DNAH6: variants seen among roughly 807,000 people sequenced by gnomAD.
DNAH6 encodes the protein dynein axonemal heavy chain 6.
DNAH6 carries 340 observed loss-of-function variants against 491.4 expected under a neutral mutation model. That is an observed-to-expected ratio of 0.69 (90% confidence interval 0.63 to 0.76). The LOEUF (loss-of-function observed/expected upper bound fraction) is 0.76. Ranked by LOEUF, DNAH6 falls within the 30% of genes least tolerant of loss-of-function variation. The pLI, the probability that DNAH6 is intolerant of heterozygous loss-of-function variation, is 0.00. For missense variants in DNAH6, 4,443 were observed against 4,972.2 expected, an observed-to-expected ratio of 0.89 and a Z score of 3.20; for synonymous variants, 1,603 against 1,686.1, an observed-to-expected ratio of 0.95 and a Z score of 1.21.
chr2:84,755,006 G>GTTA (rs1673859314), intron 63 of DNAH6, among the ~76,000 whole-genome samples: 1 of 152,124 alleles, frequency 6.6e-6, no homozygotes, highest in South Asian at 2.1e-4. Context: ...TACTTCTTTT[G>GTTA]TTAAACTTAT....
At chr2:84,634,215 ATCTG>A (rs1688657656) in intron 29 of DNAH6, among the ~76,000 whole-genome samples, 1 of 152,188 alleles carries the variant, frequency 6.6e-6, no homozygotes, top group Non-Finnish European at 1.5e-5. Context: ...CTATTTGAGA[ATCTG>A]TCAAGTATTT....
chr2:84,747,087 G>T (rs558751906), intron 63 of DNAH6, among the ~76,000 whole-genome samples: 1 of 152,192 alleles, frequency 6.6e-6, no homozygotes, highest in African/African-American at 2.4e-5. Context: ...CATGAGATTT[G>T]GAGGGGACAA....
intron 61 of DNAH6, among the ~76,000 whole-genome samples, chr2:84,728,791 T>A (rs540199644): frequency 3.3e-4 from 50 of 152,042 alleles, no homozygotes; most frequent in African/African-American, 1.2e-3. Context: ...CTTGCTCTAG[T>A]CCCTTAAACT....
intron 63 of DNAH6, among the ~76,000 whole-genome samples, chr2:84,762,552 T>G (rs1001230223): frequency 6.6e-6 from 1 of 152,096 alleles, no homozygotes; most frequent in Non-Finnish European, 1.5e-5. Context: ...ATCCTGCTTG[T>G]GAGTCATGAG....
intron 16 of DNAH6, among the ~76,000 whole-genome samples, chr2:84,590,601 A>G (rs1303838777): frequency 6.6e-6 from 1 of 151,062 alleles, no homozygotes; most frequent in East Asian, 2.0e-4. Context: ...ATGAAGCCCC[A>G]GCCCCTCCTT....
chr2:84,461,170 A>G, the DNAH6 span, among the ~76,000 whole-genome samples: 1 of 152,354 alleles, frequency 6.6e-6, no homozygotes, highest in African/African-American at 2.4e-5. Context: ...GACCTTAGTT[A>G]TAGATTAAAA....
At chr2:84,688,701 A>G (rs1230740798) in intron 45 of DNAH6, 108 bp downstream of exon 45, 4 of 864,326 alleles carry the variant, frequency 4.6e-6, no homozygotes, top group Admixed American at 7.7e-5. Context: ...AGATGGTCAG[A>G]GGTCTTTTAT....
upstream of DNAH6, among the ~76,000 whole-genome samples, chr2:84,513,891 A>G (rs1358544505): frequency 1.3e-5 from 2 of 152,170 alleles, no homozygotes; most frequent in Non-Finnish European, 2.9e-5. Flanking sequence ...ACCTGGATCT[A>G]CAGGTAGAAA....
At chr2:84,571,253 G>A (rs1222623849) in intron 11 of DNAH6, among the ~76,000 whole-genome samples, 1 of 152,146 alleles carries the variant, frequency 6.6e-6, no homozygotes, top group Non-Finnish European at 1.5e-5. Flanking sequence ...CAATCACCAA[G>A]AATCTCTGAT....
intron 53 of DNAH6, 85 bp downstream of exon 53, chr2:84,707,104 T>C: frequency 7.2e-7 from 1 of 1,386,054 alleles, no homozygotes; most frequent in South Asian, 1.6e-5. Context: ...AGGTTTCAGC[T>C]TTTATCCAAT....
intron 64 of DNAH6, among the ~76,000 whole-genome samples, chr2:84,764,843 A>C (rs953791070): frequency 6.6e-6 from 1 of 152,074 alleles, no homozygotes; most frequent in African/African-American, 2.4e-5. Context: ...GTACCTACCT[A>C]AGTTGATTCC....
intron 65 of DNAH6, among the ~76,000 whole-genome samples, chr2:84,782,795 G>A (rs1268566043): frequency 6.6e-6 from 1 of 152,126 alleles, no homozygotes; most frequent in Non-Finnish European, 1.5e-5. Context: ...CCAGTGATTA[G>A]GAATATAATT....
intron 11 of DNAH6, among the ~76,000 whole-genome samples, chr2:84,573,168 CA>C (rs1682064704): frequency 1.3e-5 from 2 of 152,192 alleles, no homozygotes; most frequent in Non-Finnish European, 2.9e-5. Context: ...TGTTTACTAG[CA>C]ATATATAAGT....
chr2:84,733,115 A>G (rs539343939), intron 61 of DNAH6, among the ~76,000 whole-genome samples: 1 of 152,346 alleles, frequency 6.6e-6, no homozygotes, highest in East Asian at 1.9e-4. Flanking sequence ...AGTTCTCTAG[A>G]GAAAAATTAT....
chr2:84,695,132 T>A (rs73943383), intron 46 of DNAH6, among the ~76,000 whole-genome samples: 1,693 of 152,194 alleles, frequency 0.011, 31 homozygotes, highest in African/African-American at 0.039. Context: ...TGAGTTTATA[T>A]CTTATTATAA....
intron 11 of DNAH6, among the ~76,000 whole-genome samples, chr2:84,562,167 T>G (rs1680747751): frequency 6.6e-6 from 1 of 152,068 alleles, no homozygotes; most frequent in Admixed American, 6.6e-5. Flanking sequence ...AGAATATCAG[T>G]AAAACCCAAC....
At chr2:84,670,839 GT>G (rs1325134755) in intron 39 of DNAH6, among the ~76,000 whole-genome samples, 1 of 152,206 alleles carries the variant, frequency 6.6e-6, no homozygotes, top group Non-Finnish European at 1.5e-5. Flanking sequence ...GTATGAGACT[GT>G]TTTGGTTTTT....
Position 84,517,987 on chromosome 2 carries a change from G to A in DNAH6, c.161G>A (p.Arg54Lys). 6.4e-7 allele frequency: 1 copy of A among 1,551,966 alleles called. No homozygotes were observed. Residue 54 changes from arginine to lysine, a missense_variant, in exon 2 of 77, where the codon AGG (arginine) becomes AAG (lysine). Arg to Lys is a conservative substitution (Grantham distance 26, BLOSUM62 2). This residue lies in a region of DNAH6 where 2,977 missense variants were observed against 3,296.6 expected (regional missense o/e 0.90). Transcript: ENST00000389394. ...NESDTQILTF[R>K]HITKAQEKTR... ...TCTGATACACAAATCCTAACGTTTA[G>A]GCACATTACAAAAGCTCAGGAGAAG... is the stretch of plus-strand genomic sequence containing the variant.
intron 64 of DNAH6, among the ~76,000 whole-genome samples, chr2:84,780,890 G>T (rs1032525632): frequency 1.1e-4 from 16 of 152,182 alleles, no homozygotes; most frequent in African/African-American, 3.9e-4. Context: ...CTTTGCACAG[G>T]TTTCTTAGTT....
Sources: gnomAD v4.1 joint callset for allele counts (sites outside exome capture counted in the v4.1 genomes callset) on GRCh38, gnomAD v4.1.1 for gene constraint, gnomAD v4.1.1 regional missense constraint, MANE v1.5 for transcripts, NCBI Gene and HGNC (gene_info 2026-07-23, HGNC 2026-07-21) for gene names.